Variants in MBD2 observed in about 807,000 individuals in gnomAD.
The protein encoded by MBD2 is methyl-CpG binding domain protein 2, also known as methyl-CpG-binding domain protein 2.
MBD2 carries 9 observed loss-of-function variants against 39.3 expected under a neutral mutation model. The observed-to-expected ratio is 0.23, with a 90% CI of 0.14 to 0.40. The LOEUF is 0.40. MBD2 is among the 10% of genes least tolerant of loss of function. The pLI, the probability that MBD2 is intolerant of heterozygous loss-of-function variation, is 1.00. For missense variants in MBD2, 458 were observed against 532.6 expected, an observed-to-expected ratio of 0.86 and a Z score of 1.38; for synonymous variants, 233 against 211.1, an observed-to-expected ratio of 1.10 and a Z score of -0.90.
intron 1 of MBD2, among the ~76,000 whole-genome samples, chr18:54,209,373 A>AG (rs1288762710): frequency 2.0e-5 from 3 of 152,078 alleles, no homozygotes; most frequent in Non-Finnish European, 4.4e-5. Flanking sequence ...TAATAAACTA[A>AG]GTTGGCAATG....
intron 5 of MBD2, among the ~76,000 whole-genome samples, chr18:54,162,383 T>A (rs1226067948): frequency 6.6e-6 from 1 of 152,198 alleles, no homozygotes; most frequent in African/African-American, 2.4e-5. Flanking sequence ...GATACCCAAT[T>A]AGGTAAAGAG....
intron 3 of MBD2, among the ~76,000 whole-genome samples, chr18:54,178,148 C>T (rs2086225875): frequency 6.6e-6 from 1 of 152,040 alleles, no homozygotes. Context: ...AGCCGTTCTT[C>T]CTTTTTAATA....
At chr18:54,223,047 A>C (rs1490165915) in intron 1 of MBD2, among the ~76,000 whole-genome samples, 1 of 152,228 alleles carries the variant, frequency 6.6e-6, no homozygotes, top group Non-Finnish European at 1.5e-5. Context: ...TCAGTCCACA[A>C]ACACGTACCT....
At chr18:54,180,618 G>C (rs1035378581) in intron 3 of MBD2, among the ~76,000 whole-genome samples, 1 of 152,042 alleles carries the variant, frequency 6.6e-6, no homozygotes, top group Non-Finnish European at 1.5e-5. Flanking sequence ...ATATTAATTA[G>C]AAATATGAAG....
intron 1 of MBD2, among the ~76,000 whole-genome samples, chr18:54,207,044 G>A (rs2086455919): frequency 1.3e-5 from 2 of 152,174 alleles, no homozygotes; most frequent in South Asian, 4.1e-4. Flanking sequence ...GCGCCCCCAT[G>A]TCTCAGCCAC....
At chr18:54,220,644 G>A (rs182753539) in intron 1 of MBD2, among the ~76,000 whole-genome samples, 73 of 152,324 alleles carry the variant, frequency 4.8e-4, no homozygotes, top group Middle Eastern at 6.8e-3. Flanking sequence ...TTACCAACAG[G>A]AGAATTAACT....
intron 2 of MBD2, among the ~76,000 whole-genome samples, chr18:54,199,451 T>C (rs942065260): frequency 6.6e-6 from 1 of 152,190 alleles, no homozygotes; most frequent in Non-Finnish European, 1.5e-5. Flanking sequence ...AGTGACAAGA[T>C]ACACTTCATT....
At chr18:54,209,632 C>G (rs995639417) in intron 1 of MBD2, among the ~76,000 whole-genome samples, 7 of 152,178 alleles carry the variant, frequency 4.6e-5, no homozygotes, top group African/African-American at 1.7e-4. Flanking sequence ...TAAGGAAAGT[C>G]AACCTGGCTG....
At chr18:54,201,533 A>G (rs573512997) in intron 2 of MBD2, among the ~76,000 whole-genome samples, 1 of 152,238 alleles carries the variant, frequency 6.6e-6, no homozygotes, top group Admixed American at 6.5e-5. Context: ...CACCCATCCT[A>G]AAATAATTAA....
rs183981228 is a variant in MBD2 at position 54,213,920 on chromosome 18, A to C, written c.543-8763T>G. Among the ~76,000 whole-genome samples the C allele has an allele frequency of 1.5e-4, 23 of 152,232 alleles. No homozygotes were observed. The East Asian group carries it at 4.4e-3, about 29-fold the overall frequency. On this transcript the variant is annotated intron_variant, in intron 1 of 6. Coordinates refer to ENST00000256429, the MANE Select transcript of MBD2 (RefSeq NM_003927.5). The stretch of plus-strand genomic sequence containing the variant: ...ACATATATACATACACACACATATT[A>C]ATATTTACTTAGACAAATATGCCCA...
At chr18:54,193,582 CTGAGATA>C (rs758729358) in intron 2 of MBD2, among the ~76,000 whole-genome samples, 3 of 152,010 alleles carry the variant, frequency 2.0e-5, no homozygotes, top group Non-Finnish European at 2.9e-5. Flanking sequence ...CAGTAAGTAT[CTGAGATA>C]TATCTTTTGT....
At chr18:54,220,839 C>A (rs910176405) in intron 1 of MBD2, among the ~76,000 whole-genome samples, 7 of 152,214 alleles carry the variant, frequency 4.6e-5, no homozygotes, top group Non-Finnish European at 8.8e-5. Flanking sequence ...TACTGTATCA[C>A]AATTATCATA....
At chr18:54,214,369 A>C (rs2086537594) in intron 1 of MBD2, among the ~76,000 whole-genome samples, 1 of 151,340 alleles carries the variant, frequency 6.6e-6, no homozygotes, top group African/African-American at 2.4e-5. Flanking sequence ...CTAATTTTTA[A>C]AAATTTTTTG....
chr18:54,224,605 C>T lies in MBD2; in HGVS notation c.-46G>A. The T allele has an allele frequency of 8.3e-7, 1 of 1,209,568 alleles. No homozygotes were observed. The highest frequency in any genetic ancestry group is 1.0e-6 in the Non-Finnish European group (1 of 968,566). The allele number at this position is 1,209,568 out of a possible 1,614,324, so 74.9% of individuals were successfully genotyped here. A position where few individuals can be genotyped will look rare whatever the true frequency, so the allele number is the denominator to read the frequency against. On this transcript the variant is annotated 5_prime_UTR_variant, in exon 1 of 7. Transcript: ENST00000256429. ...CGCTGCGCTTCTTCCGTAACCGAGC[C>T]CTTGGAATCCCGGAGACCCGCCCCG...
At chr18:54,198,315 C>T (rs1342384881) in intron 2 of MBD2, among the ~76,000 whole-genome samples, 1 of 152,180 alleles carries the variant, frequency 6.6e-6, no homozygotes, top group East Asian at 1.9e-4. Flanking sequence ...GGCTCTTCAC[C>T]TACTCCCTCA....
chr18:54,155,433 C>T (rs951442515), intron 6 of MBD2, 122 bp from the exon 7 acceptor site: 4 of 152,048 alleles, frequency 2.6e-5, no homozygotes, highest in African/African-American at 9.7e-5. Flanking sequence ...GCTTTTACAG[C>T]CTTGATGAAC....
chr18:54,210,145 C>A (rs1331221308), intron 1 of MBD2, among the ~76,000 whole-genome samples: 1 of 152,138 alleles, frequency 6.6e-6, no homozygotes, highest in Non-Finnish European at 1.5e-5. Context: ...CCTGAACCAA[C>A]TGTGATCACA....
chr18:54,196,798 CT>C (rs1293521523), intron 2 of MBD2, among the ~76,000 whole-genome samples: 1 of 152,184 alleles, frequency 6.6e-6, no homozygotes, highest in Non-Finnish European at 1.5e-5. Context: ...ATTTGAAGCA[CT>C]AGTTTATAAT....
Position 54,171,168 on chromosome 18 carries a change from G to A in MBD2, c.841-5002C>T, listed in dbSNP as rs139880926. On this transcript the variant is annotated intron_variant, in intron 3 of 6. Transcript: ENST00000256429. ...TGTAATCCCAGCACTTTGGGAGGCCGAGGCGGGCAGATCATCTGAGGTCAG... is the reference window on the plus strand; with the variant it reads ...TGTAATCCCAGCACTTTGGGAGGCCAAGGCGGGCAGATCATCTGAGGTCAG... Among the ~76,000 whole-genome samples, 160 of 152,146 alleles carry A rather than the reference G, an allele frequency of 1.1e-3. 2 individuals carry two copies. Among genetic ancestry groups the A allele is most frequent in the African/African-American group, 3.4e-3 (143 of 41,512 alleles).
Sources: allele counts gnomAD v4.1 joint callset (sites outside exome capture counted in the v4.1 genomes callset), GRCh38; gene constraint gnomAD v4.1.1; transcripts MANE v1.5; gene names NCBI Gene and HGNC (gene_info 2026-07-23, HGNC 2026-07-21).